CCDC91: variants seen among roughly 807,000 people sequenced by gnomAD.
CCDC91 encodes coiled-coil domain containing 91, also known as coiled-coil domain-containing protein 91.
CCDC91 carries 48 observed loss-of-function variants against 63.2 expected under a neutral mutation model. The observed-to-expected ratio is 0.76, with a 90% CI of 0.60 to 0.97. The LOEUF (loss-of-function observed/expected upper bound fraction) is 0.97. Ranked by LOEUF, CCDC91 falls within the 50% of genes least tolerant of loss-of-function variation. The probability of loss-of-function intolerance (pLI) is 0.00; values close to 1 mark genes in which losing one functional copy is unlikely to be tolerated. For synonymous variants in CCDC91, 167 were observed against 165.8 expected (o/e 1.01, Z -0.06); for missense variants, 500 against 494.6 (o/e 1.01, Z -0.10).
At chr12:28,499,692 G>A (rs113230712) in intron 12 of CCDC91, among the ~76,000 whole-genome samples, 3,500 of 152,206 alleles carry the variant, frequency 0.023, 75 homozygotes, top group African/African-American at 0.052. Flanking sequence ...TTTTATGGTT[G>A]CATAGTATTC....
At chr12:28,485,367 T>C (rs939645019) in intron 12 of CCDC91, among the ~76,000 whole-genome samples, 2 of 152,036 alleles carry the variant, frequency 1.3e-5, no homozygotes, top group Non-Finnish European at 2.9e-5. Context: ...GGTTTCACCA[T>C]GTTGTCCAGG....
At chr12:28,545,919 G>A (rs367858270) in intron 12 of CCDC91, among the ~76,000 whole-genome samples, 1 of 152,108 alleles carries the variant, frequency 6.6e-6, no homozygotes, top group East Asian at 1.9e-4. Context: ...AAGGAGAAAA[G>A]TTTCTCATTT....
At chr12:28,374,907 A>T in intron 7 of CCDC91, among the ~76,000 whole-genome samples, 1 of 152,118 alleles carries the variant, frequency 6.6e-6, no homozygotes, top group Non-Finnish European at 1.5e-5. Context: ...ATGTTCTATT[A>T]GGCCTAATAT....
At chr12:28,322,367 T>C (rs992572088) in intron 6 of CCDC91, among the ~76,000 whole-genome samples, 6 of 151,938 alleles carry the variant, frequency 3.9e-5, no homozygotes, top group Admixed American at 2.6e-4. Context: ...CTCCAGTCCT[T>C]CTTCTGCTTT....
chr12:28,359,435 C>T (rs1451698913), intron 6 of CCDC91, among the ~76,000 whole-genome samples: 6 of 151,794 alleles, frequency 4.0e-5, no homozygotes, highest in Admixed American at 2.0e-4. Flanking sequence ...TAAAGATTGT[C>T]GAATTTTTTT....
chr12:28,404,412 C>T (rs1946808101), intron 8 of CCDC91, among the ~76,000 whole-genome samples: 1 of 151,738 alleles, frequency 6.6e-6, no homozygotes, highest in African/African-American at 2.4e-5. Flanking sequence ...TTTTATGGTC[C>T]CGAATTTGGT....
rs140800193 is a variant in CCDC91, at chr12:28,408,999, G to C, written c.762+17588G>C. Reference sequence around the variant, plus strand: ...GTTAGTTTTAGCAGCATTTTTTGTAGGGTTTATAGAATTTTCTACATAGAT... The same window carrying C: ...GTTAGTTTTAGCAGCATTTTTTGTACGGTTTATAGAATTTTCTACATAGAT... On this transcript the variant is annotated intron_variant, in intron 8 of 12. Transcript: ENST00000536442. Among the ~76,000 whole-genome samples the C allele has an allele frequency of 3.9e-3, 586 of 152,138 alleles. 7 individuals are homozygous for C. Among genetic ancestry groups the C allele is most frequent in the African/African-American group, 0.013 (554 of 41,524 alleles).
At chr12:28,266,385 C>T (rs1481486638) in intron 3 of CCDC91, among the ~76,000 whole-genome samples, 1 of 151,936 alleles carries the variant, frequency 6.6e-6, no homozygotes, top group African/African-American at 2.4e-5. Context: ...CTAAACAATT[C>T]TTTGAGATTT....
chr12:28,217,170 G>T (rs1257944707), intron 1 of CCDC91, among the ~76,000 whole-genome samples: 1 of 152,124 alleles, frequency 6.6e-6, no homozygotes, highest in Non-Finnish European at 1.5e-5. Flanking sequence ...CAAGATGGTA[G>T]TATTGTGGTA....
intron 8 of CCDC91, among the ~76,000 whole-genome samples, chr12:28,444,874 T>C (rs1480289098): frequency 2.0e-5 from 3 of 152,096 alleles, no homozygotes; most frequent in Non-Finnish European, 2.9e-5. Flanking sequence ...AGCAGTTCCT[T>C]CTGCTCAATC....
At chr12:28,463,443 A>G (rs1950404129) in intron 11 of CCDC91, among the ~76,000 whole-genome samples, 1 of 152,232 alleles carries the variant, frequency 6.6e-6, no homozygotes, top group Admixed American at 6.5e-5. Context: ...TTTATGGAAG[A>G]TGAACTGGAC....
chr12:28,391,236 A>T, intron 7 of CCDC91, 68 bp from the exon 8 acceptor site: 1 of 871,034 alleles, frequency 1.1e-6, no homozygotes, highest in Admixed American at 1.9e-5. Context: ...TGTCAAAAAT[A>T]TTCTCGTGCC....
At chr12:28,190,783 C>T (rs1405089620) in intron 1 of CCDC91, 142 bp downstream of exon 1, 1 of 152,208 alleles carries the variant, frequency 6.6e-6, no homozygotes, top group Non-Finnish European at 1.5e-5. Flanking sequence ...CCTTGGCTGT[C>T]GCAGCGACCA....
chr12:28,386,160 T>C (rs1354051284), intron 7 of CCDC91, among the ~76,000 whole-genome samples: 1 of 152,204 alleles, frequency 6.6e-6, no homozygotes, highest in Non-Finnish European at 1.5e-5. Flanking sequence ...TCTTGGTAGT[T>C]ATAATTTGTA....
chr12:28,335,222 GA>G (rs1225437453), intron 6 of CCDC91, among the ~76,000 whole-genome samples: 1 of 129,320 alleles, frequency 7.7e-6, no homozygotes, highest in Non-Finnish European at 1.6e-5. Flanking sequence ...TAAATATGTA[GA>G]TAAATACATA....
chr12:28,335,383 T>C (rs1941889062), intron 6 of CCDC91, among the ~76,000 whole-genome samples: 1 of 134,166 alleles, frequency 7.5e-6, no homozygotes, highest in African/African-American at 2.6e-5. Flanking sequence ...TATATATTTA[T>C]ATATAAATAT....
intron 12 of CCDC91, among the ~76,000 whole-genome samples, chr12:28,546,975 A>G (rs1310936883): frequency 6.6e-6 from 1 of 152,144 alleles, no homozygotes; most frequent in Admixed American, 6.6e-5. Context: ...TCAATGGGAA[A>G]GTAGCTAAAT....
In CCDC91 at chr12:28,401,984, C is replaced by T. The variant is rs76158285; in HGVS notation, c.762+10573C>T. On this transcript the variant is annotated intron_variant, in intron 8 of 12. Transcript: ENST00000536442. ...CAATACCATTTATAGAAAAGACTAT[C>T]GATTACCCCCATACCTTTGGAGAAA... Among the ~76,000 whole-genome samples the T allele has an allele frequency of 3.6e-3, 555 of 152,130 alleles. 7 individuals carry two copies. The highest frequency in any genetic ancestry group is 0.013 in the African/African-American group (531 of 41,524).
At chr12:28,478,896 A>G (rs1951276692) in intron 11 of CCDC91, among the ~76,000 whole-genome samples, 1 of 152,220 alleles carries the variant, frequency 6.6e-6, no homozygotes, top group South Asian at 2.1e-4. Flanking sequence ...AGAAATGCCA[A>G]TCAAAACCAC....
Sources: gnomAD v4.1 joint callset for allele counts (sites outside exome capture counted in the v4.1 genomes callset) on GRCh38, gnomAD v4.1.1 for gene constraint, MANE v1.5 for transcripts, NCBI Gene and HGNC (gene_info 2026-07-23, HGNC 2026-07-21) for gene names.